ETV7: variants seen among roughly 807,000 people sequenced by gnomAD.
ETV7 encodes ETS variant transcription factor 7, also known as transcription factor ETV7.
In ETV7, 43 loss-of-function variants were observed where a neutral mutation model predicts 39.1. The ratio of observed to expected loss-of-function variants is 1.10; its 90% confidence interval spans 0.86 to 1.42. ETV7 has a LOEUF of 1.42. Among genes scored for constraint, ETV7 ranks in the 40% most tolerant of loss-of-function variants. The pLI is 0.00. For missense variants in ETV7, 432 were observed against 442.3 expected (o/e 0.98, Z 0.21); for synonymous variants, 196 against 176.6 (o/e 1.11, Z -0.87).
chr6:36,385,018 C>G (rs1582228920), intron 2 of ETV7, among the ~76,000 whole-genome samples: 1 of 151,928 alleles, frequency 6.6e-6, no homozygotes, highest in Admixed American at 6.6e-5. Context: ...TTATGCAATA[C>G]AAAGTTATGG....
downstream of ETV7, among the ~76,000 whole-genome samples, chr6:36,363,824 G>A (rs1290512364): frequency 6.6e-6 from 1 of 152,000 alleles, no homozygotes; most frequent in African/African-American, 2.4e-5. Context: ...GGCCCCACCA[G>A]AGTAGCTAGA....
At chr6:36,380,751 T>C (rs552567621) in intron 2 of ETV7, among the ~76,000 whole-genome samples, 30 of 152,242 alleles carry the variant, frequency 2.0e-4, no homozygotes, top group Non-Finnish European at 4.0e-4. Context: ...CCAGCCCCTA[T>C]AGCAATGCTT....
Position 36,373,463 on chromosome 6 carries a change from G to C in ETV7, c.423C>G (p.Val141=). Residue 141 remains valine (V), a synonymous_variant, in exon 4 of 8, where the codon GTC becomes GTG. Transcript: ENST00000340181. ...AGAGAGCTTCCTCACCTTCCGGGGG[G>C]ACTGGAGAGTGCTGGGTGGGCGTCT... ...RLKTPTQHSP[V]PPEEVTGPSQ... is the part of the protein sequence containing the mutation. 1 of 1,569,092 alleles carries C rather than the reference G, an allele frequency of 6.4e-7. No homozygotes were observed. The highest frequency in any genetic ancestry group is 8.6e-7 in the Non-Finnish European group (1 of 1,161,484).
chr6:36,366,597 C>T lies in ETV7; in HGVS notation c.*48G>A, dbSNP rs1404997673. 2.5e-6 allele frequency: 4 copies of T among 1,612,900 alleles called. No individual in the cohort carries two copies. In the South Asian group the frequency reaches 4.4e-5, roughly 18 times the overall value. On this transcript the variant is annotated 3_prime_UTR_variant, in exon 8 of 8. Coordinates refer to ENST00000340181, the MANE Select transcript of ETV7 (RefSeq NM_016135.4). ...AGGAGGAGTCTGCCTTCATGGGAGA[C>T]TCGGTCCCTGCCCCATCGGTACCGG...
At chr6:36,356,120 G>A (rs1307900269) in intron 7 of ETV7, among the ~76,000 whole-genome samples, 2 of 152,076 alleles carry the variant, frequency 1.3e-5, no homozygotes, top group African/African-American at 2.4e-5. Context: ...TCAAAGAATT[G>A]AAGCAATTAC....
intron 2 of ETV7, 123 bp downstream of exon 2, chr6:36,385,411 G>T: frequency 1.7e-6 from 2 of 1,176,854 alleles, no homozygotes; most frequent in Non-Finnish European, 2.5e-6. Context: ...AGTTGAAGGT[G>T]CAGTGAGCTA....
downstream of ETV7, among the ~76,000 whole-genome samples, chr6:36,364,420 G>A (rs182241381): frequency 5.0e-4 from 76 of 152,314 alleles, no homozygotes; most frequent in East Asian, 0.011. Flanking sequence ...GCGCAGCGCC[G>A]GTGGGCTGGC....
chr6:36,371,642 G>T (rs1773032013), intron 4 of ETV7, 82 bp from the exon 5 acceptor site: 2 of 1,227,220 alleles, frequency 1.6e-6, no homozygotes, highest in Non-Finnish European at 2.3e-6. Context: ...GAGCCTGGGA[G>T]CCCTGTGGGG....
At chr6:36,365,603 A>G (rs1261499643), downstream of ETV7, among the ~76,000 whole-genome samples, 1 of 152,144 alleles carries the variant, frequency 6.6e-6, no homozygotes, top group Non-Finnish European at 1.5e-5. Context: ...GTAGTCACTG[A>G]AAACTGAGGA....
downstream of ETV7, among the ~76,000 whole-genome samples, chr6:36,362,692 G>C (rs554561105): frequency 1.3e-5 from 2 of 152,334 alleles, no homozygotes; most frequent in East Asian, 3.9e-4. Flanking sequence ...GGGAGATGGA[G>C]AAAAGGTGGC....
downstream of ETV7, among the ~76,000 whole-genome samples, chr6:36,363,738 C>A (rs1023723182): frequency 2.6e-5 from 4 of 152,060 alleles, no homozygotes; most frequent in Admixed American, 2.6e-4. Context: ...CGTTTACAAT[C>A]CCTGAGCTAG....
intron 1 of ETV7, among the ~76,000 whole-genome samples, chr6:36,386,394 G>A (rs115121525): frequency 6.6e-6 from 1 of 152,116 alleles, no homozygotes; most frequent in East Asian, 1.9e-4. Flanking sequence ...GAATCCTAAG[G>A]TCTCACCACG....
At chr6:36,374,323 C>T (rs1355290166) in intron 3 of ETV7, among the ~76,000 whole-genome samples, 2 of 151,872 alleles carry the variant, frequency 1.3e-5, no homozygotes, top group African/African-American at 2.4e-5. Flanking sequence ...CGCCACCAAA[C>T]TCTAGCCTGG....
intron 7 of ETV7, among the ~76,000 whole-genome samples, chr6:36,360,689 G>T (rs1263527702): frequency 6.6e-6 from 1 of 152,134 alleles, no homozygotes; most frequent in Admixed American, 6.6e-5. Flanking sequence ...TAGTGGACAT[G>T]GTTTTAAACT....
At chr6:36,384,234 A>G (rs1343204300) in intron 2 of ETV7, among the ~76,000 whole-genome samples, 2 of 152,204 alleles carry the variant, frequency 1.3e-5, no homozygotes, top group African/African-American at 2.4e-5. Flanking sequence ...CAGAACTGGT[A>G]GCTCAGGAGT....
At chr6:36,381,133 A>G (rs2127400641) in intron 2 of ETV7, among the ~76,000 whole-genome samples, 1 of 152,320 alleles carries the variant, frequency 6.6e-6, no homozygotes, top group South Asian at 2.1e-4. Context: ...CAGAATGAAC[A>G]GCTGGCTTCT....
intron 2 of ETV7, among the ~76,000 whole-genome samples, chr6:36,379,672 T>A (rs1450157818): frequency 2.0e-5 from 3 of 151,634 alleles, no homozygotes; most frequent in Non-Finnish European, 2.9e-5. Flanking sequence ...GGTCAGGAGT[T>A]TGAGACCAGC....
At chr6:36,354,192 C>T (rs1772281466) in exon 8 of ETV7, 1 of 115,926 alleles carries the variant, frequency 8.6e-6, no homozygotes. Flanking sequence ...TTCTCCCATC[C>T]TATGGGTTTT....
intron 2 of ETV7, among the ~76,000 whole-genome samples, chr6:36,378,170 A>T (rs530694681): frequency 6.7e-6 from 1 of 149,380 alleles, no homozygotes; most frequent in Non-Finnish European, 1.5e-5. Context: ...GTGTATGTAT[A>T]TTTTGTAAAG....
Sources: gnomAD v4.1 joint callset for allele counts (sites outside exome capture counted in the v4.1 genomes callset) on GRCh38, gnomAD v4.1.1 for gene constraint, MANE v1.5 for transcripts, NCBI Gene and HGNC (gene_info 2026-07-23, HGNC 2026-07-21) for gene names.